The following MTMR7 variants were observed in gnomAD, a reference collection of about 807,000 sequenced individuals.
The protein encoded by MTMR7 is myotubularin related protein 7.
MTMR7 carries 76 observed loss-of-function variants against 81.2 expected under a neutral mutation model. The ratio of observed to expected loss-of-function variants is 0.94; its 90% CI spans 0.78 to 1.13. The LOEUF (loss-of-function observed/expected upper bound fraction) is 1.13, where lower values mean the gene tolerates loss of function less well. MTMR7 is among the 50% of genes most tolerant of loss of function. The pLI, the probability that MTMR7 is intolerant of heterozygous loss-of-function variation, is 0.00. For missense variants in MTMR7, 1,044 were observed against 820.0 expected, an observed-to-expected ratio of 1.27 and a Z score of -3.34; for synonymous variants, 372 against 289.8, an observed-to-expected ratio of 1.28 and a Z score of -2.88.
intron 1 of MTMR7, among the ~76,000 whole-genome samples, chr8:17,385,691 ATG>A (rs1257551644): frequency 1.3e-5 from 2 of 152,038 alleles, no homozygotes; most frequent in Admixed American, 1.3e-4. Flanking sequence ...TTCTCAGGAG[ATG>A]TGGTTGTTTA....
intron 5 of MTMR7, among the ~76,000 whole-genome samples, chr8:17,342,405 T>G (rs1819431647): frequency 6.6e-6 from 1 of 152,130 alleles, no homozygotes; most frequent in African/African-American, 2.4e-5. Flanking sequence ...CCATGCAGGA[T>G]AATATGGAGG....
At chr8:17,383,792 G>A (rs1272284670) in intron 1 of MTMR7, among the ~76,000 whole-genome samples, 1 of 150,972 alleles carries the variant, frequency 6.6e-6, no homozygotes, top group Non-Finnish European at 1.5e-5. Context: ...TCTCCCGGTG[G>A]TCGAGGGATT....
chr8:17,360,864 C>T (rs911640941), intron 4 of MTMR7, among the ~76,000 whole-genome samples: 1 of 152,204 alleles, frequency 6.6e-6, no homozygotes, highest in African/African-American at 2.4e-5. Flanking sequence ...TGCCACCCGG[C>T]CTCTCTGGGT....
intron 7 of MTMR7, among the ~76,000 whole-genome samples, chr8:17,315,642 C>T (rs996605987): frequency 3.9e-5 from 6 of 152,034 alleles, no homozygotes; most frequent in Non-Finnish European, 7.4e-5. Context: ...AAGAAAAAGT[C>T]TTTAAAAACA....
At chr8:17,370,571 A>C (rs1820387190) in intron 3 of MTMR7, among the ~76,000 whole-genome samples, 1 of 151,032 alleles carries the variant, frequency 6.6e-6, no homozygotes, top group Non-Finnish European at 1.5e-5. Flanking sequence ...AAAAAAAAAA[A>C]AAAAAAAACC....
chr8:17,350,153 G>C (rs1466366890), intron 4 of MTMR7, among the ~76,000 whole-genome samples: 1 of 152,232 alleles, frequency 6.6e-6, no homozygotes, highest in Non-Finnish European at 1.5e-5. Context: ...CCACATGGAA[G>C]TGTCCTGGGA....
At position 17,408,109 on chromosome 8, in the gene MTMR7, G is replaced by GCTCTTTGGCGACGTGATGAA. The variant is rs1195688168; in HGVS notation, c.24+5159_24+5160insTTCATCACGTCGCCAAAGAG. 1.5e-3 allele frequency among the ~76,000 whole-genome samples: 96 copies of GCTCTTTGGCGACGTGATGAA among 64,450 alleles called. 21 individuals are homozygous for GCTCTTTGGCGACGTGATGAA. Among genetic ancestry groups the GCTCTTTGGCGACGTGATGAA allele is most frequent in the South Asian group, 3.6e-3 (5 of 1,374 alleles). The allele number at this position is 64,450 out of a possible 152,430, so 42.3% of individuals were successfully genotyped here. A position where few individuals can be genotyped will look rare whatever the true frequency, so the allele number is the denominator to read the frequency against. On this transcript the variant is annotated intron_variant, in intron 1 of 13. Transcript: ENST00000180173. ...TCAATCAGCAAGAACATCATGGAGA[G>GCTCTTTGGCGACGTGATGAA]GCCGGGCGCGGTGGCTCACGCCTGT... is the stretch of plus-strand genomic sequence containing the variant.
intron 4 of MTMR7, among the ~76,000 whole-genome samples, chr8:17,357,147 A>G (rs141207688): frequency 1.3e-3 from 200 of 152,346 alleles, no homozygotes; most frequent in African/African-American, 4.4e-3. Context: ...CACAGTAGTG[A>G]AAAATGAAGG....
chr8:17,374,928 A>C (rs1021882980), intron 1 of MTMR7, among the ~76,000 whole-genome samples: 94 of 152,252 alleles, frequency 6.2e-4, no homozygotes, highest in African/African-American at 2.2e-3. Context: ...GTCTCTACTA[A>C]AAATACAAAA....
At chr8:17,412,150 A>G (rs934602022) in intron 1 of MTMR7, among the ~76,000 whole-genome samples, 1 of 152,228 alleles carries the variant, frequency 6.6e-6, no homozygotes, top group Non-Finnish European at 1.5e-5. Context: ...TTCTCCAGCA[A>G]ACTAAAAGAT....
At chr8:17,353,502 T>C (rs1300515249) in intron 4 of MTMR7, among the ~76,000 whole-genome samples, 3 of 152,246 alleles carry the variant, frequency 2.0e-5, no homozygotes, top group East Asian at 1.9e-4. Flanking sequence ...GCTGCCATTT[T>C]TGCAACAAGC....
intron 7 of MTMR7, among the ~76,000 whole-genome samples, chr8:17,321,894 T>A (rs1320802048): frequency 6.6e-6 from 1 of 152,192 alleles, no homozygotes; most frequent in African/African-American, 2.4e-5. Flanking sequence ...AGATATAATT[T>A]TAGGACCTCT....
Position 17,381,498 on chromosome 8 carries a change from T to C in MTMR7, c.25-8258A>G, listed in dbSNP as rs546872014. ...ATATTGAAGTGCTGAACATTCAGGG[T>C]TCCAGAATCATCTCAGACTATTTGG... On this transcript the variant is annotated intron_variant, in intron 1 of 13. Coordinates refer to ENST00000180173, the MANE Select transcript of MTMR7 (RefSeq NM_004686.5). Among the ~76,000 whole-genome samples the C allele has an allele frequency of 3.3e-5, 5 of 152,256 alleles. No individual in the cohort carries two copies. In the South Asian group the frequency reaches 1.0e-3, roughly 32 times the overall value.
chr8:17,381,294 C>T (rs566704918), intron 1 of MTMR7, among the ~76,000 whole-genome samples: 10 of 152,290 alleles, frequency 6.6e-5, no homozygotes, highest in African/African-American at 2.4e-4. Flanking sequence ...ACTTCCAGGT[C>T]TGAGGAGGCC....
chr8:17,413,198 G>T lies in MTMR7; in HGVS notation c.24+71C>A, dbSNP rs1257651716. The T allele has an allele frequency of 6.0e-6, 9 of 1,509,918 alleles. No individual in the cohort carries two copies. In the Admixed American group the frequency reaches 1.8e-4, roughly 30 times the overall value. The allele number at this position is 1,509,918 out of a possible 1,614,324, so 93.5% of individuals were successfully genotyped here. ...CCCCTCAAAGCAGTCGGCCTCCCGC[G>T]CGCTCAGCATCCCTCCTCCTCCTCC... On this transcript the variant is annotated intron_variant, in intron 1 of 13. Transcript: ENST00000180173.
At chr8:17,400,595 T>C (rs1821398946) in intron 1 of MTMR7, among the ~76,000 whole-genome samples, 1 of 152,190 alleles carries the variant, frequency 6.6e-6, no homozygotes, top group Non-Finnish European at 1.5e-5. Flanking sequence ...TTTCTTGTCG[T>C]TGCAATTTGA....
intron 7 of MTMR7, among the ~76,000 whole-genome samples, chr8:17,313,929 T>A (rs528450342): frequency 2.0e-5 from 3 of 152,148 alleles, no homozygotes; most frequent in Non-Finnish European, 4.4e-5. Context: ...CCCCACCCAA[T>A]GGGAGTAAGG....
intron 1 of MTMR7, among the ~76,000 whole-genome samples, chr8:17,411,773 G>A (rs1157181843): frequency 6.6e-6 from 1 of 152,158 alleles, no homozygotes; most frequent in African/African-American, 2.4e-5. Context: ...TTTGTACCAG[G>A]TGGCTTTGTA....
In MTMR7 at chr8:17,299,718, G is replaced by T; in HGVS notation, c.*144C>A. The T allele has an allele frequency of 9.1e-7, 1 of 1,098,784 alleles. No homozygotes were observed. Among genetic ancestry groups the T allele is most frequent in the Non-Finnish European group, 1.3e-6 (1 of 772,490 alleles). The allele number at this position is 1,098,784 out of a possible 1,614,324, so 68.1% of individuals were successfully genotyped here. On this transcript the variant is annotated 3_prime_UTR_variant, in exon 14 of 14. Coordinates refer to ENST00000180173, the MANE Select transcript of MTMR7 (RefSeq NM_004686.5). ...CAGTATCTAAGAAATCAAGAACTGGGCACTTTTTTCCCTTTTCATAGCTGC... is the reference window on the plus strand; with the variant it reads ...CAGTATCTAAGAAATCAAGAACTGGTCACTTTTTTCCCTTTTCATAGCTGC...
Sources: gnomAD v4.1 joint callset for allele counts (sites outside exome capture counted in the v4.1 genomes callset) on GRCh38, gnomAD v4.1.1 for gene constraint, MANE v1.5 for transcripts, NCBI Gene and HGNC (gene_info 2026-07-23, HGNC 2026-07-21) for gene names.